The following SLC44A1 variants were observed in gnomAD, a reference collection of about 807,000 sequenced individuals.
SLC44A1 encodes solute carrier family 44 member 1.
SLC44A1 carries 26 observed loss-of-function variants against 79.3 expected under a neutral mutation model. That is an observed-to-expected ratio of 0.33 (90% confidence interval 0.24 to 0.46). The LOEUF (loss-of-function observed/expected upper bound fraction) is 0.46. Among genes scored for constraint, SLC44A1 ranks in the 20% least tolerant of loss-of-function variants. The pLI, the probability that SLC44A1 is intolerant of heterozygous loss-of-function variation, is 1.00. For synonymous variants in SLC44A1, 263 were observed against 286.2 expected (o/e 0.92, Z 0.82); for missense variants, 688 against 798.1 (o/e 0.86, Z 1.66).
In SLC44A1 at chr9:105,282,440, A is replaced by G. The variant is rs191029354; in HGVS notation, c.37-16780A>G. Among the ~76,000 whole-genome samples the G allele has an allele frequency of 1.1e-3, 172 of 152,266 alleles. 1 individual carries two copies. The highest frequency in any genetic ancestry group is 4.0e-3 in the African/African-American group (168 of 41,562). The stretch of plus-strand genomic sequence containing the variant: ...CTGATCATGGAATCATTGAATGTCA[A>G]AGTTGGAAAGGACTGCAATAGTCTT... On this transcript the variant is annotated intron_variant, in intron 1 of 15. Coordinates refer to ENST00000374720, the MANE Select transcript of SLC44A1 (RefSeq NM_080546.5).
chr9:105,251,240 C>G (rs1214561425), intron 1 of SLC44A1, among the ~76,000 whole-genome samples: 4 of 152,078 alleles, frequency 2.6e-5, no homozygotes, highest in Non-Finnish European at 5.9e-5. Context: ...TCTGGTTCAC[C>G]GAATGATACC....
At chr9:105,361,377 CAGG>C in intron 8 of SLC44A1, 47 bp downstream of exon 8, 1 of 1,528,076 alleles carries the variant, frequency 6.5e-7, no homozygotes, top group Non-Finnish European at 8.8e-7. Flanking sequence ...TTTTTGTTTG[CAGG>C]AGATCATTAA....
At chr9:105,314,152 G>T (rs1387752335) in intron 3 of SLC44A1, among the ~76,000 whole-genome samples, 2 of 152,148 alleles carry the variant, frequency 1.3e-5, no homozygotes, top group Non-Finnish European at 2.9e-5. Flanking sequence ...CTGTTTAGTT[G>T]CAAGATGCCT....
At chr9:105,277,812 CAA>C (rs1349161498) in intron 1 of SLC44A1, among the ~76,000 whole-genome samples, 2 of 152,226 alleles carry the variant, frequency 1.3e-5, no homozygotes, top group Non-Finnish European at 2.9e-5. Context: ...GTTGTTGACA[CAA>C]GAGTACTAAA....
chr9:105,422,907 C>T (rs1024379928), intron 15 of SLC44A1, among the ~76,000 whole-genome samples: 4 of 152,140 alleles, frequency 2.6e-5, no homozygotes, highest in South Asian at 2.1e-4. Context: ...GTTAAAAACT[C>T]TAGAGTTCTC....
intron 1 of SLC44A1, among the ~76,000 whole-genome samples, chr9:105,246,325 A>G (rs993846967): frequency 3.6e-4 from 55 of 151,528 alleles, no homozygotes; most frequent in African/African-American, 1.1e-3. Context: ...TGAATGGGGG[A>G]CATTTGTGTT....
intron 1 of SLC44A1, among the ~76,000 whole-genome samples, chr9:105,263,592 A>G (rs1829889529): frequency 6.7e-6 from 1 of 148,900 alleles, no homozygotes; most frequent in Non-Finnish European, 1.5e-5. Flanking sequence ...ACTGGAGTGC[A>G]ATGGCGCGAT....
intron 1 of SLC44A1, among the ~76,000 whole-genome samples, chr9:105,254,538 A>G (rs1223543536): frequency 1.3e-5 from 2 of 152,176 alleles, no homozygotes; most frequent in Non-Finnish European, 2.9e-5. Flanking sequence ...ACTATCTGCT[A>G]TGGTTTTGCC....
In SLC44A1 at chr9:105,392,543, G is replaced by C; in HGVS notation, c.*3487G>C. The C allele has an allele frequency of 4.1e-6, 4 of 984,878 alleles. No individual in the cohort carries two copies. The highest frequency in any genetic ancestry group is 6.2e-5 in the Admixed American group (1 of 16,204). 61.0% of individuals were successfully genotyped at this position (984,878 alleles called of 1,614,324 possible). On this transcript the variant is annotated 3_prime_UTR_variant, in exon 16 of 16. Coordinates refer to ENST00000374720, the MANE Select transcript of SLC44A1 (RefSeq NM_080546.5). ...CAGTTTTAGGATTTCACCCTAGTAG[G>C]GGGTATGAGGCACTGACCCCTTTAT...
intron 1 of SLC44A1, among the ~76,000 whole-genome samples, chr9:105,268,897 G>A (rs373565642): frequency 2.0e-5 from 3 of 152,240 alleles, no homozygotes; most frequent in Admixed American, 6.5e-5. Context: ...TGTTGAATTC[G>A]CTTTTTCAAC....
intron 4 of SLC44A1, among the ~76,000 whole-genome samples, chr9:105,340,291 C>T (rs943716419): frequency 6.6e-6 from 1 of 152,118 alleles, no homozygotes; most frequent in African/African-American, 2.4e-5. Context: ...AATCCAGTCA[C>T]AAAAGGACAA....
At position 105,392,889 on chromosome 9, in the gene SLC44A1, T is replaced by C; in HGVS notation, c.*3833T>C. The stretch of plus-strand genomic sequence containing the variant: ...TTAACATGGCCTCTGAGAAGTTTCC[T>C]CCAGAAAGGTCTTTAAGCTTTCGCT... On this transcript the variant is annotated 3_prime_UTR_variant, in exon 16 of 16. Transcript: ENST00000374720. 1 of 985,328 alleles carries C rather than the reference T, an allele frequency of 1.0e-6. No homozygotes were observed. Among genetic ancestry groups the C allele is most frequent in the Non-Finnish European group, 1.2e-6 (1 of 829,834 alleles). 61.0% of individuals were successfully genotyped at this position (985,328 alleles called of 1,614,324 possible).
In SLC44A1 at chr9:105,391,524, A is replaced by G; in HGVS notation, c.*2468A>G. ...AGAAATATGCAGATATGCATTACACAGGCACACACAGAGAGATATTTAATA... is the reference window on the plus strand; with the variant it reads ...AGAAATATGCAGATATGCATTACACGGGCACACACAGAGAGATATTTAATA... On this transcript the variant is annotated 3_prime_UTR_variant, in exon 16 of 16. Transcript: ENST00000374720. 1.0e-6 allele frequency: 1 copy of G among 985,588 alleles called. No homozygotes were observed. The highest frequency in any genetic ancestry group is 1.2e-6 in the Non-Finnish European group (1 of 829,854). 61.1% of individuals were successfully genotyped at this position (985,588 alleles called of 1,614,324 possible).
chr9:105,377,307 A>T (rs1828319475), intron 13 of SLC44A1, among the ~76,000 whole-genome samples: 1 of 152,230 alleles, frequency 6.6e-6, no homozygotes, highest in Non-Finnish European at 1.5e-5. Flanking sequence ...AAAAATGTTT[A>T]TAAGAAAAAG....
intron 13 of SLC44A1, among the ~76,000 whole-genome samples, chr9:105,375,078 G>T (rs1010732615): frequency 1.1e-4 from 17 of 152,184 alleles, no homozygotes; most frequent in African/African-American, 3.9e-4. Context: ...TTTCGCTCTT[G>T]TCGCCCAGGC....
intron 15 of SLC44A1, among the ~76,000 whole-genome samples, chr9:105,436,285 C>T (rs2131529976): frequency 6.6e-6 from 1 of 152,312 alleles, no homozygotes; most frequent in Non-Finnish European, 1.5e-5. Context: ...ACAACTTTGG[C>T]ATAAGCCTAG....
At chr9:105,326,205 G>A (rs539184350) in intron 3 of SLC44A1, among the ~76,000 whole-genome samples, 1 of 152,210 alleles carries the variant, frequency 6.6e-6, no homozygotes, top group East Asian at 1.9e-4. Flanking sequence ...CAAGCAGCTG[G>A]GACTACAGGC....
At chr9:105,293,086 G>T (rs576254653) in intron 1 of SLC44A1, among the ~76,000 whole-genome samples, 12 of 152,292 alleles carry the variant, frequency 7.9e-5, no homozygotes, top group African/African-American at 1.7e-4. Flanking sequence ...GAGCCTGGGA[G>T]ATCAAGGCTG....
chr9:105,332,231 T>G (rs1466855085), intron 3 of SLC44A1, among the ~76,000 whole-genome samples: 10 of 151,080 alleles, frequency 6.6e-5, no homozygotes, highest in Non-Finnish European at 1.5e-5. Flanking sequence ...GCGATTCTCC[T>G]GCCTCAGCCT....
Sources: allele counts gnomAD v4.1 joint callset (sites outside exome capture counted in the v4.1 genomes callset), GRCh38; gene constraint gnomAD v4.1.1; transcripts MANE v1.5; gene names NCBI Gene and HGNC (gene_info 2026-07-23, HGNC 2026-07-21).